Variants in SLIT2 observed in about 807,000 individuals in gnomAD.
SLIT2 encodes slit guidance ligand 2, also known as slit homolog 2 protein.
Under a neutral mutation model 185.7 loss-of-function variants are expected in SLIT2, and 41 were observed. The ratio of observed to expected loss-of-function variants is 0.22; its 90% CI spans 0.17 to 0.29. The LOEUF (loss-of-function observed/expected upper bound fraction) is 0.29. Among genes scored for constraint, SLIT2 ranks in the 10% least tolerant of loss-of-function variants. The pLI is 1.00. For synonymous variants in SLIT2, 693 were observed against 680.2 expected (o/e 1.02, Z -0.29); for missense variants, 1,571 against 1,909.0 (o/e 0.82, Z 3.30).
intron 4 of SLIT2, among the ~76,000 whole-genome samples, chr4:20,407,265 C>G (rs1311332639): frequency 6.6e-6 from 1 of 152,064 alleles, no homozygotes; most frequent in Non-Finnish European, 1.5e-5. Context: ...ATGATTTGTG[C>G]ACTTTTAGGT....
At chr4:20,589,994 C>G (rs1394867820) in intron 30 of SLIT2, among the ~76,000 whole-genome samples, 1 of 150,514 alleles carries the variant, frequency 6.6e-6, no homozygotes, top group Non-Finnish European at 1.5e-5. Context: ...CAACCTCCTC[C>G]TCCCAGGTTC....
At chr4:20,325,172 C>T (rs1052920861) in intron 4 of SLIT2, among the ~76,000 whole-genome samples, 7 of 151,738 alleles carry the variant, frequency 4.6e-5, no homozygotes, top group Non-Finnish European at 1.0e-4. Flanking sequence ...TTATCTTTCG[C>T]CATATACAAA....
At chr4:20,514,541 G>A (rs6447966) in intron 11 of SLIT2, among the ~76,000 whole-genome samples, 58,277 of 151,490 alleles carry the variant, frequency 0.38, 11,973 homozygotes, top group African/African-American at 0.54. Context: ...GCTACTCGGA[G>A]AGTTGAGGCA....
At chr4:20,314,879 C>A (rs1718430031) in intron 4 of SLIT2, among the ~76,000 whole-genome samples, 1 of 151,834 alleles carries the variant, frequency 6.6e-6, no homozygotes, top group African/African-American at 2.4e-5. Context: ...TTTTTTCCTG[C>A]ATAAAATTAG....
intron 5 of SLIT2, 71 bp from the exon 6 acceptor site, chr4:20,480,645 G>A (rs1716604977): frequency 8.7e-7 from 1 of 1,143,886 alleles, no homozygotes. Flanking sequence ...AGACCCTTCA[G>A]GAAACTTCTC....
intron 4 of SLIT2, among the ~76,000 whole-genome samples, chr4:20,397,528 T>TG (rs1440818045): frequency 6.6e-6 from 1 of 151,746 alleles, no homozygotes; most frequent in East Asian, 1.9e-4. Context: ...GTTGTTTTCA[T>TG]GGGGTAAACC....
chr4:20,417,936 A>G (rs145568580), intron 4 of SLIT2, among the ~76,000 whole-genome samples: 22 of 152,164 alleles, frequency 1.4e-4, no homozygotes, highest in Non-Finnish European at 2.2e-4. Flanking sequence ...TGTTCCTACT[A>G]TGCTCCACTG....
intron 4 of SLIT2, among the ~76,000 whole-genome samples, chr4:20,332,329 TTTTCA>T (rs1720134235): frequency 6.6e-6 from 1 of 152,120 alleles, no homozygotes; most frequent in Non-Finnish European, 1.5e-5. Context: ...GGAGGACTAT[TTTTCA>T]TAGACACCAG....
At chr4:20,580,205 T>G (rs1038414805) in intron 29 of SLIT2, among the ~76,000 whole-genome samples, 1 of 151,006 alleles carries the variant, frequency 6.6e-6, no homozygotes, top group African/African-American at 2.4e-5. Context: ...GGATTACAGA[T>G]GCGCACCACC....
intron 1 of SLIT2, among the ~76,000 whole-genome samples, chr4:20,255,641 C>G (rs1186946616): frequency 6.7e-6 from 1 of 148,506 alleles, no homozygotes; most frequent in Non-Finnish European, 1.5e-5. Flanking sequence ...ACGAACATGT[C>G]TTACTCAACA....
intron 4 of SLIT2, among the ~76,000 whole-genome samples, chr4:20,410,567 T>C (rs1029344783): frequency 2.6e-5 from 4 of 152,058 alleles, no homozygotes; most frequent in Non-Finnish European, 4.4e-5. Flanking sequence ...ATTTAAGTCT[T>C]TAATCCATCT....
chr4:20,340,869 G>A (rs542155433), intron 4 of SLIT2, among the ~76,000 whole-genome samples: 1 of 152,190 alleles, frequency 6.6e-6, no homozygotes, highest in Admixed American at 6.5e-5. Flanking sequence ...CCAGAGTGCT[G>A]GGATTACAGG....
intron 33 of SLIT2, among the ~76,000 whole-genome samples, chr4:20,607,975 G>A (rs1293881591): frequency 3.9e-5 from 6 of 152,146 alleles, no homozygotes; most frequent in Non-Finnish European, 8.8e-5. Context: ...CCCCAAAGAA[G>A]TTGTTATATT....
intron 11 of SLIT2, among the ~76,000 whole-genome samples, chr4:20,516,343 A>G (rs544029308): frequency 9.0e-4 from 135 of 149,786 alleles, no homozygotes; most frequent in African/African-American, 3.3e-3. Context: ...TATTGTACAC[A>G]TATAATAGTA....
At chr4:20,472,598 C>CTATATCGATATA (rs373022250) in intron 5 of SLIT2, among the ~76,000 whole-genome samples, 1 of 7,784 alleles carries the variant, frequency 1.3e-4, no homozygotes, top group Non-Finnish European at 2.1e-4. Flanking sequence ...AGATATATAT[C>CTATATCGATATA]TATAGATATA....
chr4:20,467,373 G>T (rs950612277), intron 4 of SLIT2, among the ~76,000 whole-genome samples: 2 of 152,014 alleles, frequency 1.3e-5, no homozygotes, highest in African/African-American at 4.8e-5. Flanking sequence ...TATGCCAGGG[G>T]TGTTGGAGAA....
chr4:20,402,173 G>C (rs1031499848), intron 4 of SLIT2, among the ~76,000 whole-genome samples: 1 of 151,760 alleles, frequency 6.6e-6, no homozygotes, highest in Non-Finnish European at 1.5e-5. Context: ...TACGTACCAT[G>C]CTAGAGTCAT....
intron 22 of SLIT2, among the ~76,000 whole-genome samples, chr4:20,546,659 T>A (rs1723275998): frequency 6.6e-6 from 1 of 152,102 alleles, no homozygotes; most frequent in South Asian, 2.1e-4. Flanking sequence ...ATTTCAAAAT[T>A]TTGATTTTTT....
intron 9 of SLIT2, among the ~76,000 whole-genome samples, chr4:20,496,482 T>C (rs993142963): frequency 1.3e-5 from 2 of 152,198 alleles, no homozygotes; most frequent in African/African-American, 4.8e-5. Flanking sequence ...GTAAAACTAA[T>C]GCAGAAGCAC....
Sources: allele counts gnomAD v4.1 joint callset (sites outside exome capture counted in the v4.1 genomes callset), GRCh38; gene constraint gnomAD v4.1.1; transcripts MANE v1.5; gene names NCBI Gene and HGNC (gene_info 2026-07-23, HGNC 2026-07-21).